Variants in NRXN3 observed in about 807,000 individuals in gnomAD.
NRXN3 encodes neurexin III.
A neutral mutation model predicts 137.6 loss-of-function variants in NRXN3; 32 were observed. The observed-to-expected ratio is 0.23, with a 90% CI of 0.18 to 0.31. The LOEUF (loss-of-function observed/expected upper bound fraction) is 0.31. Ranked by LOEUF, NRXN3 falls within the 10% of genes least tolerant of loss-of-function variation. The pLI is 1.00. For synonymous variants in NRXN3, 798 were observed against 784.5 expected, an observed-to-expected ratio of 1.02 and a Z score of -0.29; for missense variants, 1,574 against 2,062.5, an observed-to-expected ratio of 0.76 and a Z score of 4.59.
intron 2 of NRXN3, among the ~76,000 whole-genome samples, chr14:78,262,336 G>A (rs984281293): frequency 9.2e-5 from 14 of 152,148 alleles, no homozygotes; most frequent in African/African-American, 3.4e-4. Flanking sequence ...GATGAGGGCA[G>A]CTCACCTTGG....
chr14:78,589,911 C>T lies in NRXN3; in HGVS notation c.758-55209C>T, dbSNP rs79919060. Among the ~76,000 whole-genome samples, 594 of 152,234 alleles carry T rather than the reference C, an allele frequency of 3.9e-3. 7 individuals are homozygous for T. The highest frequency in any genetic ancestry group is 0.013 in the African/African-American group (550 of 41,526). ...AGGCGGAGGTTGTAGTGAGCCAAAT[C>T]GCACCATTGCACTCCAGCCTGGGCG... On this transcript the variant is annotated intron_variant, in intron 4 of 20. Transcript: ENST00000335750.
rs544030393 is a variant in NRXN3 at position 79,098,283 on chromosome 14, A to G, written c.3262+110142A>G. 4.6e-5 allele frequency among the ~76,000 whole-genome samples: 7 copies of G among 152,324 alleles called. No individual in the cohort carries two copies. The East Asian group carries it at 1.3e-3, about 29-fold the overall frequency. On this transcript the variant is annotated intron_variant, in intron 15 of 20. Transcript: ENST00000335750. ...AAAATGTATCCCTCTACTTTAAAAC[A>G]GGGAGATACCCCAGTTCCTTAAAAA...
At chr14:79,455,984 G>A (rs1042122222) in intron 15 of NRXN3, among the ~76,000 whole-genome samples, 2 of 151,890 alleles carry the variant, frequency 1.3e-5, no homozygotes, top group Non-Finnish European at 2.9e-5. Context: ...ATTTTCTTCT[G>A]AGTTTCTGAG....
intron 15 of NRXN3, among the ~76,000 whole-genome samples, chr14:79,202,813 G>T (rs919165232): frequency 6.6e-6 from 1 of 151,998 alleles, no homozygotes; most frequent in Admixed American, 6.6e-5. Flanking sequence ...CACAATTTTT[G>T]CAATTGTGAG....
intron 6 of NRXN3, among the ~76,000 whole-genome samples, chr14:78,664,304 C>T (rs1472819744): frequency 6.6e-6 from 1 of 152,186 alleles, no homozygotes; most frequent in Non-Finnish European, 1.5e-5. Context: ...CTACCTTCTT[C>T]CCCTCATCTT....
intron 15 of NRXN3, among the ~76,000 whole-genome samples, chr14:79,434,282 C>T (rs1010376734): frequency 3.3e-5 from 5 of 152,122 alleles, no homozygotes; most frequent in Non-Finnish European, 7.3e-5. Flanking sequence ...GAATGAGATT[C>T]AGCCCAGAGG....
At chr14:79,154,130 A>G (rs772245161) in intron 15 of NRXN3, among the ~76,000 whole-genome samples, 5 of 151,938 alleles carry the variant, frequency 3.3e-5, no homozygotes, top group Non-Finnish European at 5.9e-5. Flanking sequence ...ATAACCAACC[A>G]GGGTAGTTGG....
intron 15 of NRXN3, among the ~76,000 whole-genome samples, chr14:79,101,013 GT>G (rs1344208030): frequency 5.3e-5 from 8 of 152,074 alleles, no homozygotes; most frequent in Non-Finnish European, 1.2e-4. Flanking sequence ...TCTTTACTTT[GT>G]TTTTTTCCTA....
rs146985080 is a variant in NRXN3, at chr14:79,253,244, G to A, written c.3263-213977G>A. 9.0e-4 allele frequency among the ~76,000 whole-genome samples: 137 copies of A among 152,286 alleles called. 1 individual carries two copies. The highest frequency in any genetic ancestry group is 3.2e-3 in the African/African-American group (131 of 41,552). The stretch of plus-strand genomic sequence containing the variant: ...TCTTCTGTGGGAAAGGGCTCTGAAA[G>A]GATTGCGTTTTGACAGGAGGAAGGT... On this transcript the variant is annotated intron_variant, in intron 15 of 20. Coordinates refer to ENST00000335750, the MANE Select transcript of NRXN3 (RefSeq NM_001330195.2).
chr14:79,279,460 G>C, intron 15 of NRXN3: 1 of 986,204 alleles, frequency 1.0e-6, no homozygotes, highest in Non-Finnish European at 1.2e-6. Flanking sequence ...CAGCCTGCCA[G>C]GCACCTCCTC....
At chr14:79,615,849 GA>G (rs1229524340) in intron 16 of NRXN3, among the ~76,000 whole-genome samples, 1 of 152,146 alleles carries the variant, frequency 6.6e-6, no homozygotes, top group Non-Finnish European at 1.5e-5. Context: ...TTTGGGTGGG[GA>G]CACAGCCAAA....
At chr14:79,519,050 C>T (rs188632505) in intron 16 of NRXN3, among the ~76,000 whole-genome samples, 13 of 152,150 alleles carry the variant, frequency 8.5e-5, no homozygotes, top group Admixed American at 5.9e-4. Context: ...TTTTCTGGGC[C>T]TCGTGCTTTC....
intron 4 of NRXN3, among the ~76,000 whole-genome samples, chr14:78,465,851 TTTTA>T (rs999179941): frequency 6.8e-6 from 1 of 147,754 alleles, no homozygotes; most frequent in Non-Finnish European, 1.5e-5. Context: ...TTTTTTAAAT[TTTTA>T]TTTATTTATT....
intron 19 of NRXN3, among the ~76,000 whole-genome samples, chr14:79,772,310 C>T (rs1464442289): frequency 1.3e-5 from 2 of 151,994 alleles, no homozygotes; most frequent in Admixed American, 6.6e-5. Flanking sequence ...AAAGAGCCCG[C>T]ATCACCAAGT....
chr14:79,262,711 A>G (rs2077818236), intron 15 of NRXN3, among the ~76,000 whole-genome samples: 1 of 152,182 alleles, frequency 6.6e-6, no homozygotes, highest in Admixed American at 6.5e-5. Flanking sequence ...GGAGGCAGTC[A>G]CTCCTGTAAG....
intron 4 of NRXN3, among the ~76,000 whole-genome samples, chr14:78,386,103 A>C (rs1169104776): frequency 6.6e-6 from 1 of 152,134 alleles, no homozygotes; most frequent in Non-Finnish European, 1.5e-5. Context: ...CTCCTTAAAG[A>C]GAGACGGGAG....
chr14:78,825,721 T>C (rs892592880), intron 10 of NRXN3, among the ~76,000 whole-genome samples: 1 of 152,264 alleles, frequency 6.6e-6, no homozygotes, highest in Non-Finnish European at 1.5e-5. Context: ...AAATGTTTCA[T>C]AGGAGACAGG....
rs143532602 is a variant in NRXN3 at position 78,693,275 on chromosome 14, T to A, written c.1222-15942T>A. Among the ~76,000 whole-genome samples the A allele has an allele frequency of 3.5e-3, 525 of 152,072 alleles. 8 individuals are homozygous for A. The highest frequency in any genetic ancestry group is 0.01 in the Middle Eastern group (3 of 292). On this transcript the variant is annotated intron_variant, in intron 6 of 20. Transcript: ENST00000335750. ...GCTTTATCAGCTTTATCTCTGATATTTCTTTCTAGACAGTTCCTCTCCTTT... is the reference window on the plus strand; with the variant it reads ...GCTTTATCAGCTTTATCTCTGATATATCTTTCTAGACAGTTCCTCTCCTTT...
rs1181475459 is a variant in NRXN3, at chr14:78,817,619, TGGA to T, written c.2275+7279_2275+7281del. ...GAGGGCTTCATGCTGCTTCCACTCA[TGGA>T]GGAAGACAGAAGGGGAGGTAGTATG... On this transcript the variant is annotated intron_variant, in intron 10 of 20. Transcript: ENST00000335750. Among the ~76,000 whole-genome samples the T allele has an allele frequency of 2.0e-5, 3 of 152,238 alleles. No homozygotes were observed. In the East Asian group the frequency reaches 5.8e-4, roughly 29 times the overall value.
Sources: allele counts gnomAD v4.1 joint callset (sites outside exome capture counted in the v4.1 genomes callset), GRCh38; gene constraint gnomAD v4.1.1; transcripts MANE v1.5; gene names NCBI Gene and HGNC (gene_info 2026-07-23, HGNC 2026-07-21).